The following KCNE3 variants were observed in gnomAD, a reference collection of about 807,000 sequenced individuals.
The protein encoded by KCNE3 is potassium voltage-gated channel subfamily E member 3.
Under a neutral mutation model 4.3 loss-of-function variants are expected in KCNE3, and 2 were observed. That is an observed-to-expected ratio of 0.47 (90% CI 0.19 to 1.48). The LOEUF (loss-of-function observed/expected upper bound fraction) is 1.48. Ranked by LOEUF, KCNE3 falls within the 40% of genes most tolerant of loss-of-function variation. KCNE3 has a pLI of 0.25. For synonymous variants in KCNE3, 47 were observed against 52.0 expected, an observed-to-expected ratio of 0.90 and a Z score of 0.41; for missense variants, 128 against 136.8, an observed-to-expected ratio of 0.94 and a Z score of 0.32.
rs764927975 is a variant in KCNE3, at chr11:74,457,525, G to A, written c.39C>T (p.Ser13=). 4.3e-6 allele frequency: 7 copies of A among 1,614,082 alleles called. No individual in the cohort carries two copies. Among genetic ancestry groups the A allele is most frequent in the Non-Finnish European group, 1.7e-6 (2 of 1,180,056 alleles). ...TTAGAGCCTTCAGCACGGCATGCAG[G>A]CTCTCATACCAGGTCTCCGTTCCAT... The part of the protein sequence containing the change: ...TTNGTETWYE[S]LHAVLKALNA... The change falls in exon 3 of 3, where the codon AGC becomes AGT. Residue 13 remains serine, a synonymous_variant. Transcript: ENST00000310128.
chr11:74,462,794 T>C (rs1863983057), intron 1 of KCNE3: 1 of 152,264 alleles, frequency 6.6e-6, no homozygotes, highest in Non-Finnish European at 1.5e-5. Flanking sequence ...CCAGCTCAGC[T>C]GCTCCTTGTG....
chr11:74,466,650 G>T (rs974376240), intron 1 of KCNE3, among the ~76,000 whole-genome samples: 2 of 152,106 alleles, frequency 1.3e-5, no homozygotes, highest in Non-Finnish European at 2.9e-5. Context: ...GGGCTTTCAC[G>T]CAAGAACTAA....
Position 74,457,386 on chromosome 11 carries a change from A to C in KCNE3, c.178T>G (p.Tyr60Asp). Residue 60 changes from tyrosine to aspartate, a missense_variant, in exon 3 of 3, where the codon TAC becomes GAC. Coordinates refer to ENST00000310128, the MANE Select transcript of KCNE3 (RefSeq NM_005472.5). ...LPGRDDNSYM[Y>D]ILFVMFLFAV... Reference sequence around the variant, plus strand: ...AATAGAAACATGACAAAGAGAATGTACATGTAGGAGTTGTCATCACGGCCA... The same window carrying C: ...AATAGAAACATGACAAAGAGAATGTCCATGTAGGAGTTGTCATCACGGCCA... 1 of 1,614,190 alleles carries C rather than the reference A, an allele frequency of 6.2e-7. No homozygotes were observed. The highest frequency in any genetic ancestry group is 8.5e-7 in the Non-Finnish European group (1 of 1,180,000).
At position 74,457,119 on chromosome 11, in the gene KCNE3, C is replaced by T. The variant is rs1490787332; in HGVS notation, c.*133G>A. The T allele has an allele frequency of 3.3e-6, 3 of 903,280 alleles. No individual in the cohort carries two copies. Among genetic ancestry groups the T allele is most frequent in the East Asian group, 2.6e-5 (1 of 37,830 alleles). 56.0% of individuals were successfully genotyped at this position (903,280 alleles called of 1,614,324 possible). On this transcript the variant is annotated 3_prime_UTR_variant, in exon 3 of 3. Transcript: ENST00000310128. ...CCTCTTCTCCCACCCCAGTGACGAC[C>T]TCCCTTAACCGTGTTTCTTGTTGAT...
intron 2 of KCNE3, among the ~76,000 whole-genome samples, chr11:74,459,516 C>A (rs1375579317): frequency 6.6e-6 from 1 of 152,126 alleles, no homozygotes; most frequent in Admixed American, 6.5e-5. Flanking sequence ...CCCACCTCGG[C>A]CTCCCAAAGT....
At position 74,456,037 on chromosome 11, in the gene KCNE3, T is replaced by C. The variant is rs1863802841; in HGVS notation, c.*1215A>G. 1 of 150,950 alleles carries C rather than the reference T, an allele frequency of 6.6e-6. No homozygotes were observed. The highest frequency in any genetic ancestry group is 1.5e-5 in the Non-Finnish European group (1 of 67,734). 9.4% of individuals were successfully genotyped at this position (150,950 alleles called of 1,614,324 possible). ...ATGACATCAGAAAACTTCTCTCAGA[T>C]AGTCGTGGTGGCTTACACTTGTAAT... On this transcript the variant is annotated 3_prime_UTR_variant, in exon 3 of 3. Transcript: ENST00000310128.
chr11:74,460,340 CA>C (rs940684378), intron 2 of KCNE3, among the ~76,000 whole-genome samples: 3 of 152,174 alleles, frequency 2.0e-5, no homozygotes, highest in African/African-American at 7.2e-5. Context: ...ATAAATAACT[CA>C]AAAAATAATC....
In KCNE3 at chr11:74,457,194, G is replaced by A. The variant is rs41312923; in HGVS notation, c.*58C>T. On this transcript the variant is annotated 3_prime_UTR_variant, in exon 3 of 3. Coordinates refer to ENST00000310128, the MANE Select transcript of KCNE3 (RefSeq NM_005472.5). Reference sequence around the variant, plus strand: ...TGATGCAGTCCACAGCAGAGTTCTGGAGGCCCCAGACGCAATCCCCAGGTG... The same window carrying A: ...TGATGCAGTCCACAGCAGAGTTCTGAAGGCCCCAGACGCAATCCCCAGGTG... The A allele has an allele frequency of 4.3e-4, 644 of 1,513,546 alleles. 3 individuals carry two copies. The East Asian group carries it at 0.011, about 26-fold the overall frequency. 93.8% of individuals were successfully genotyped at this position (1,513,546 alleles called of 1,614,324 possible). A position where few individuals can be genotyped will look rare whatever the true frequency, so the allele number is the denominator to read the frequency against.
intron 1 of KCNE3, among the ~76,000 whole-genome samples, chr11:74,465,763 C>T (rs1864046006): frequency 6.6e-6 from 1 of 152,170 alleles, no homozygotes; most frequent in Non-Finnish European, 1.5e-5. Context: ...CCTGCCCTGC[C>T]TACCACACAT....
intron 2 of KCNE3, among the ~76,000 whole-genome samples, chr11:74,459,717 A>C (rs1279660449): frequency 6.6e-6 from 1 of 152,078 alleles, no homozygotes; most frequent in Non-Finnish European, 1.5e-5. Flanking sequence ...CCTTCCCCCC[A>C]GCACTTACAT....
chr11:74,457,021 G>C lies in KCNE3; in HGVS notation c.*231C>G. The C allele has an allele frequency of 1.2e-5, 7 of 579,448 alleles. No individual in the cohort carries two copies. Among genetic ancestry groups the C allele is most frequent in the Non-Finnish European group, 2.2e-5 (7 of 324,488 alleles). The allele number at this position is 579,448 out of a possible 1,614,324, so 35.9% of individuals were successfully genotyped here. On this transcript the variant is annotated 3_prime_UTR_variant, in exon 3 of 3. Coordinates refer to ENST00000310128, the MANE Select transcript of KCNE3 (RefSeq NM_005472.5). ...TGCTACTTTTATATGTTTGTTCATG[G>C]GCTCCCACTGTTTATAAAGTCTATC...
At chr11:74,461,439 T>C (rs1863951809) in intron 2 of KCNE3, among the ~76,000 whole-genome samples, 2 of 151,960 alleles carry the variant, frequency 1.3e-5, no homozygotes, top group African/African-American at 4.8e-5. Context: ...GAGACCAGCC[T>C]GGCCAACGTG....
In KCNE3 at chr11:74,456,953, C is replaced by T. The variant is rs1386761880; in HGVS notation, c.*299G>A. 1 of 442,372 alleles carries T rather than the reference C, an allele frequency of 2.3e-6. No individual in the cohort carries two copies. The highest frequency in any genetic ancestry group is 2.0e-5 in the African/African-American group (1 of 50,292). 27.4% of individuals were successfully genotyped at this position (442,372 alleles called of 1,614,324 possible). Reference sequence around the variant, plus strand: ...TTCTCCGTTCTCCAATCCCCAGGCCCCTAATACTCCAGCCACTGAACCAGT... The same window carrying T: ...TTCTCCGTTCTCCAATCCCCAGGCCTCTAATACTCCAGCCACTGAACCAGT... On this transcript the variant is annotated 3_prime_UTR_variant, in exon 3 of 3. Transcript: ENST00000310128.
chr11:74,456,815 A>C lies in KCNE3; in HGVS notation c.*437T>G. 1 of 206,756 alleles carries C rather than the reference A, an allele frequency of 4.8e-6. No homozygotes were observed. The highest frequency in any genetic ancestry group is 9.9e-6 in the Non-Finnish European group (1 of 100,896). 12.8% of individuals were successfully genotyped at this position (206,756 alleles called of 1,614,324 possible). On this transcript the variant is annotated 3_prime_UTR_variant, in exon 3 of 3. Coordinates refer to ENST00000310128, the MANE Select transcript of KCNE3 (RefSeq NM_005472.5). ...GGAGCGGGGGCAGGGTGGTGGTGGT[A>C]AATCATATCTGTGATATGGGATAGT...
At position 74,456,888 on chromosome 11, in the gene KCNE3, CA is replaced by C. The variant is rs750800404; in HGVS notation, c.*363del. On this transcript the variant is annotated 3_prime_UTR_variant, in exon 3 of 3. Coordinates refer to ENST00000310128, the MANE Select transcript of KCNE3 (RefSeq NM_005472.5). The stretch of plus-strand genomic sequence containing the variant: ...AGATAACACATAAAAAATGTGTCCC[CA>C]GAGCATCTTCCTGTCTCATTTCCCT... The C allele has an allele frequency of 3.2e-6, 1 of 315,716 alleles. No individual in the cohort carries two copies. Among genetic ancestry groups the C allele is most frequent in the Non-Finnish European group, 6.1e-6 (1 of 163,958 alleles). The allele number at this position is 315,716 out of a possible 1,614,324, so 19.6% of individuals were successfully genotyped here.
rs1410685029 is a variant in KCNE3, at chr11:74,462,019, G to T, written c.-105C>A. 6.6e-6 allele frequency: 1 copy of T among 152,226 alleles called. No homozygotes were observed. The highest frequency in any genetic ancestry group is 2.1e-4 in the South Asian group (1 of 4,832). 9.4% of individuals were successfully genotyped at this position (152,226 alleles called of 1,614,324 possible). On this transcript the variant is annotated 5_prime_UTR_variant, in exon 2 of 3. Transcript: ENST00000310128. ...GGAGTCCCTTTGTGGACACACTAAG[G>T]CTCCTCCACCCCCGAGCCTCTTCAG... is the stretch of plus-strand genomic sequence containing the variant.
intron 1 of KCNE3, among the ~76,000 whole-genome samples, chr11:74,465,321 A>G (rs1030975352): frequency 6.6e-6 from 1 of 152,148 alleles, no homozygotes; most frequent in East Asian, 1.9e-4. Flanking sequence ...ACAGTTTACA[A>G]TATTTAAAAA....
Position 74,457,126 on chromosome 11 carries a change from A to T in KCNE3, c.*126T>A. The T allele has an allele frequency of 1.0e-6, 1 of 964,496 alleles. No homozygotes were observed. The highest frequency in any genetic ancestry group is 1.6e-6 in the Non-Finnish European group (1 of 615,772). The allele number at this position is 964,496 out of a possible 1,614,324, so 59.7% of individuals were successfully genotyped here. A position where few individuals can be genotyped will look rare whatever the true frequency, so the allele number is the denominator to read the frequency against. The stretch of plus-strand genomic sequence containing the variant: ...TCCCACCCCAGTGACGACCTCCCTT[A>T]ACCGTGTTTCTTGTTGATCTTACAG... On this transcript the variant is annotated 3_prime_UTR_variant, in exon 3 of 3. Coordinates refer to ENST00000310128, the MANE Select transcript of KCNE3 (RefSeq NM_005472.5).
chr11:74,467,069 C>T lies in KCNE3; in HGVS notation c.-190+329G>A, dbSNP rs1415866441. Reference sequence around the variant, plus strand: ...GCACTGGCTGCCAGCTGCAAGTGTTCGCTTGCACGTCTGTGGGTGTGGAGG... The same window carrying T: ...GCACTGGCTGCCAGCTGCAAGTGTTTGCTTGCACGTCTGTGGGTGTGGAGG... On this transcript the variant is annotated intron_variant, in intron 1 of 2. Coordinates refer to ENST00000310128, the MANE Select transcript of KCNE3 (RefSeq NM_005472.5). The surrounding 1 kb of genome is among the most constrained non-coding windows in gnomAD (Gnocchi z 4.4). Among the ~76,000 whole-genome samples, 1 of 152,160 alleles carries T rather than the reference C, an allele frequency of 6.6e-6. No individual in the cohort carries two copies. Among genetic ancestry groups the T allele is most frequent in the Non-Finnish European group, 1.5e-5 (1 of 68,032 alleles).
Sources: allele counts gnomAD v4.1 joint callset (sites outside exome capture counted in the v4.1 genomes callset), GRCh38; gene constraint gnomAD v4.1.1; non-coding constraint Gnocchi (gnomAD v3.1); transcripts MANE v1.5; gene names NCBI Gene and HGNC (gene_info 2026-07-23, HGNC 2026-07-21).